SPIDR: variants seen among roughly 807,000 people sequenced by gnomAD.
SPIDR encodes the protein scaffold protein involved in DNA repair.
SPIDR carries 93 observed loss-of-function variants against 104.6 expected under a neutral mutation model. The observed-to-expected ratio is 0.89, with a 90% CI of 0.75 to 1.06. The LOEUF (loss-of-function observed/expected upper bound fraction) is 1.06, where lower values mean the gene tolerates loss of function less well. Among genes scored for constraint, SPIDR ranks in the 50% least tolerant of loss-of-function variants. The pLI is 0.00. For missense variants in SPIDR, 1,154 were observed against 1,111.2 expected, an observed-to-expected ratio of 1.04 and a Z score of -0.55; for synonymous variants, 431 against 416.9, an observed-to-expected ratio of 1.03 and a Z score of -0.41.
intron 6 of SPIDR, among the ~76,000 whole-genome samples, chr8:47,397,740 G>A (rs1462966040): frequency 2.0e-5 from 3 of 152,166 alleles, no homozygotes; most frequent in African/African-American, 7.2e-5. Flanking sequence ...TGACGACAGG[G>A]TCATGGCTCT....
At chr8:47,489,818 G>C (rs1424078383) in intron 8 of SPIDR, among the ~76,000 whole-genome samples, 1 of 152,148 alleles carries the variant, frequency 6.6e-6, no homozygotes, top group Admixed American at 6.5e-5. Flanking sequence ...GCTGAAACTG[G>C]ATCCCTTCCT....
At chr8:47,459,206 A>G (rs1052982869) in intron 8 of SPIDR, among the ~76,000 whole-genome samples, 4 of 152,052 alleles carry the variant, frequency 2.6e-5, no homozygotes, top group African/African-American at 4.8e-5. Context: ...AATAGTGTCA[A>G]TAGGATTGGT....
chr8:47,512,955 A>G (rs1313612956), intron 8 of SPIDR, among the ~76,000 whole-genome samples: 2 of 152,216 alleles, frequency 1.3e-5, no homozygotes, highest in East Asian at 3.8e-4. Context: ...TGTAGTTGAC[A>G]TTTTAACTAT....
intron 5 of SPIDR, among the ~76,000 whole-genome samples, chr8:47,338,986 G>C (rs782586054): frequency 6.6e-6 from 1 of 152,146 alleles, no homozygotes; most frequent in Non-Finnish European, 1.5e-5. Flanking sequence ...AGCTTGCATT[G>C]TTGTAGTTTA....
At chr8:47,545,888 T>C (rs976548533) in intron 8 of SPIDR, among the ~76,000 whole-genome samples, 2 of 152,184 alleles carry the variant, frequency 1.3e-5, no homozygotes, top group Non-Finnish European at 2.9e-5. Flanking sequence ...ATTTATGTGA[T>C]CATATGATTT....
intron 5 of SPIDR, among the ~76,000 whole-genome samples, chr8:47,393,027 A>T (rs1416467363): frequency 1.3e-5 from 2 of 151,982 alleles, no homozygotes; most frequent in Non-Finnish European, 2.9e-5. Flanking sequence ...ATAATTTTCC[A>T]TAGATAGTCT....
intron 8 of SPIDR, among the ~76,000 whole-genome samples, chr8:47,519,605 AGACCCT>A (rs2083719552): frequency 6.6e-6 from 1 of 152,204 alleles, no homozygotes; most frequent in Non-Finnish European, 1.5e-5. Context: ...CAATATGGCG[AGACCCT>A]GTCTGTAGTA....
chr8:47,617,410 CAT>C (rs1336689758), intron 10 of SPIDR, among the ~76,000 whole-genome samples: 2 of 152,118 alleles, frequency 1.3e-5, no homozygotes, highest in Non-Finnish European at 2.9e-5. Flanking sequence ...AACTGTTATT[CAT>C]GTTTGTTTCA....
intron 8 of SPIDR, among the ~76,000 whole-genome samples, chr8:47,527,073 G>T (rs1471545566): frequency 6.6e-6 from 1 of 152,098 alleles, no homozygotes; most frequent in Non-Finnish European, 1.5e-5. Context: ...GCACACTTTT[G>T]TTTTATGTTT....
chr8:47,358,187 G>A (rs797025909), intron 5 of SPIDR, among the ~76,000 whole-genome samples: 1 of 152,288 alleles, frequency 6.6e-6, no homozygotes, highest in South Asian at 2.1e-4. Flanking sequence ...CTGGGCTCAA[G>A]GAATCCTCTA....
At chr8:47,261,934 T>C (rs1376979411) in intron 1 of SPIDR, among the ~76,000 whole-genome samples, 1 of 152,266 alleles carries the variant, frequency 6.6e-6, no homozygotes, top group East Asian at 1.9e-4. Context: ...CTAAATCCAG[T>C]GTAAGTTGTT....
rs143889119 is a variant in SPIDR at position 47,586,990 on chromosome 8, G to A, written c.1098-8821G>A. ...TCACCATGTTGGCAAGGCTGGTCTC[G>A]AACTCCCGATCTCAGTTGATCCGTC... On this transcript the variant is annotated intron_variant, in intron 8 of 19. Transcript: ENST00000297423. Among the ~76,000 whole-genome samples, 540 of 152,166 alleles carry A rather than the reference G, an allele frequency of 3.5e-3. 7 individuals carry two copies. Among genetic ancestry groups the A allele is most frequent in the African/African-American group, 0.012 (510 of 41,518 alleles).
chr8:47,504,623 C>T (rs1438762166), intron 8 of SPIDR, among the ~76,000 whole-genome samples: 1 of 152,212 alleles, frequency 6.6e-6, no homozygotes, highest in African/African-American at 2.4e-5. Context: ...CTGAAGCCTT[C>T]TTCTCTCAAC....
At chr8:47,710,376 T>C (rs1490265286) in intron 14 of SPIDR, among the ~76,000 whole-genome samples, 2 of 152,118 alleles carry the variant, frequency 1.3e-5, no homozygotes, top group Non-Finnish European at 2.9e-5. Flanking sequence ...AAATCCAAAG[T>C]ATTTACAAAG....
intron 7 of SPIDR, among the ~76,000 whole-genome samples, chr8:47,433,445 T>C (rs2067705496): frequency 6.6e-6 from 1 of 150,674 alleles, no homozygotes. Flanking sequence ...TCTGAACTGA[T>C]TCGATCTTCT....
chr8:47,494,628 G>A (rs1445637488), intron 8 of SPIDR, among the ~76,000 whole-genome samples: 2 of 151,928 alleles, frequency 1.3e-5, no homozygotes, highest in Non-Finnish European at 2.9e-5. Context: ...CTTTTGTGAG[G>A]ATCAAATGAG....
chr8:47,299,923 G>T (rs1392599850), intron 5 of SPIDR, among the ~76,000 whole-genome samples: 1 of 152,124 alleles, frequency 6.6e-6, no homozygotes, highest in Non-Finnish European at 1.5e-5. Flanking sequence ...TTTTTTGGTT[G>T]TGTCTCTGCC....
chr8:47,472,209 C>G (rs1349340069), intron 8 of SPIDR, among the ~76,000 whole-genome samples: 1 of 152,228 alleles, frequency 6.6e-6, no homozygotes, highest in Non-Finnish European at 1.5e-5. Context: ...TAGCTTGTTG[C>G]AGACGTCCCT....
In SPIDR at chr8:47,291,083, T is replaced by TC; in HGVS notation, c.309dup (p.Ser104GlnfsTer4). On this transcript the variant is annotated frameshift_variant, in exon 4 of 20. Transcript: ENST00000297423. LOFTEE classifies it high-confidence loss of function. ...TGGGCTTACAGACATAACATGGAGC[T>TC]CCAGTGGAAGTGATTTGTCGGATGA... 1 of 1,613,244 alleles carries TC rather than the reference T, an allele frequency of 6.2e-7. No individual in the cohort carries two copies. Among genetic ancestry groups the TC allele is most frequent in the Non-Finnish European group, 8.5e-7 (1 of 1,179,490 alleles).
Sources: gnomAD v4.1 joint callset for allele counts (sites outside exome capture counted in the v4.1 genomes callset) on GRCh38, gnomAD v4.1.1 for gene constraint, MANE v1.5 for transcripts, NCBI Gene and HGNC (gene_info 2026-07-23, HGNC 2026-07-21) for gene names.